The following STK3 variants were observed in gnomAD, a reference collection of about 807,000 sequenced individuals.
STK3 encodes serine/threonine kinase 3, also known as serine/threonine-protein kinase 3.
A neutral mutation model predicts 58.0 loss-of-function variants in STK3; 41 were observed. That is an observed-to-expected ratio of 0.71 (90% CI 0.55 to 0.92). The LOEUF is 0.92. Among genes scored for constraint, STK3 ranks in the 40% least tolerant of loss-of-function variants. The pLI is 0.00. For synonymous variants in STK3, 170 were observed against 191.0 expected (o/e 0.89, Z 0.91); for missense variants, 479 against 602.7 (o/e 0.79, Z 2.15).
chr8:98,709,544 C>T (rs892803660), intron 4 of STK3, among the ~76,000 whole-genome samples: 2 of 152,052 alleles, frequency 1.3e-5, no homozygotes, highest in Non-Finnish European at 2.9e-5. Context: ...CAAAAATCCT[C>T]AACAAAATAT....
At chr8:98,652,220 C>G (rs1202179540) in intron 6 of STK3, among the ~76,000 whole-genome samples, 1 of 152,172 alleles carries the variant, frequency 6.6e-6, no homozygotes, top group African/African-American at 2.4e-5. Flanking sequence ...AATTTCATAT[C>G]CAGCCAAACT....
chr8:98,716,327 CA>C (rs1294923730), intron 4 of STK3, among the ~76,000 whole-genome samples: 1 of 151,660 alleles, frequency 6.6e-6, no homozygotes, highest in Non-Finnish European at 1.5e-5. Context: ...TAGCAGTATA[CA>C]AAATCAACCC....
At position 98,501,757 on chromosome 8, in the gene STK3, G is replaced by A. The variant is rs923834793; in HGVS notation, c.1317+24985C>T. Among the ~76,000 whole-genome samples, 4 of 152,164 alleles carry A rather than the reference G, an allele frequency of 2.6e-5. No homozygotes were observed. The East Asian group carries it at 5.8e-4, about 22-fold the overall frequency. ...TCTGAGGCCTCTGTTCTGTTCCATT[G>A]GTCTATTTCTCTGTTTTGGTACTGG... On this transcript the variant is annotated intron_variant, in intron 10 of 10. Transcript: ENST00000419617.
intron 6 of STK3, among the ~76,000 whole-genome samples, chr8:98,680,655 G>A (rs1823563889): frequency 6.6e-6 from 1 of 152,210 alleles, no homozygotes; most frequent in Admixed American, 6.5e-5. Flanking sequence ...AAAGTAGAAT[G>A]TAGCAACGAT....
chr8:98,794,962 G>A (rs1833032024), intron 1 of STK3, among the ~76,000 whole-genome samples: 1 of 149,620 alleles, frequency 6.7e-6, no homozygotes, highest in Non-Finnish European at 1.5e-5. Flanking sequence ...AGCTACTCCA[G>A]AGGCTTGAGG....
At chr8:98,871,044 T>A (rs1837357106) in intron 3 of STK3, among the ~76,000 whole-genome samples, 2 of 152,352 alleles carry the variant, frequency 1.3e-5, no homozygotes, top group Middle Eastern at 3.4e-3. Context: ...GGGGATCCAG[T>A]TTCAGCTTTC....
the STK3 span, among the ~76,000 whole-genome samples, chr8:98,360,873 A>G: frequency 5.9e-5 from 9 of 152,216 alleles, no homozygotes; most frequent in African/African-American, 1.7e-4. Flanking sequence ...AGCTACTTCT[A>G]TGCAAAATGA....
Position 98,622,010 on chromosome 8 carries a change from T to G in STK3, c.685-25841A>C, listed in dbSNP as rs183433392. ...TGGGCACGGTGGCTAACGCCTGTAA[T>G]CCCAGTACTTTGGGAGGCTGAGGCA... On this transcript the variant is annotated intron_variant, in intron 6 of 10. Coordinates refer to ENST00000419617, the MANE Select transcript of STK3 (RefSeq NM_006281.4). 2.2e-4 allele frequency among the ~76,000 whole-genome samples: 33 copies of G among 149,666 alleles called. 1 individual carries two copies. In the Middle Eastern group the frequency reaches 0.014, roughly 62 times the overall value.
rs1037303883 is a variant in STK3 at position 98,613,089 on chromosome 8, G to C, written c.685-16920C>G. Among the ~76,000 whole-genome samples, 5 of 152,290 alleles carry C rather than the reference G, an allele frequency of 3.3e-5. No individual in the cohort carries two copies. The South Asian group carries it at 1.0e-3, about 32-fold the overall frequency. On this transcript the variant is annotated intron_variant, in intron 6 of 10. Transcript: ENST00000419617. ...ATACAATAGAGACTACACACGGAGAGCTAGAATCACCACTCTGACTCAGCA... is the reference window on the plus strand; with the variant it reads ...ATACAATAGAGACTACACACGGAGACCTAGAATCACCACTCTGACTCAGCA...
intron 1 of STK3, chr8:98,905,537 CTT>C (rs2131965692): frequency 9.5e-7 from 1 of 1,050,180 alleles, no homozygotes; most frequent in East Asian, 2.4e-5. Context: ...CAGCCGCCGT[CTT>C]GTCTTCTATG....
chr8:98,428,414 G>A lies in STK3; in HGVS notation n.483+5713C>T. The A allele has an allele frequency of 2.5e-6, 4 of 1,614,166 alleles. No homozygotes were observed. Among genetic ancestry groups the A allele is most frequent in the Non-Finnish European group, 3.4e-6 (4 of 1,180,032 alleles). The stretch of plus-strand genomic sequence containing the variant: ...AGCAGAGTGACCAGGAGAGCACCAC[G>A]TCTTCCTTCGATGAGATCCTTGCCT... On this transcript the variant is annotated intron_variant and non_coding_transcript_variant, in intron 3 of 3. Transcript: ENST00000517832. This position sits in a 1 kb window ranked among gnomAD's most constrained non-coding sequence, Gnocchi z 6.7.
intron 6 of STK3, among the ~76,000 whole-genome samples, chr8:98,609,181 GC>G (rs138851204): frequency 0.065 from 9,887 of 152,140 alleles, 441 homozygotes; most frequent in Non-Finnish European, 0.1. Context: ...CAATAACAAA[GC>G]ATATTAAGTT....
At chr8:98,581,675 T>C (rs1813894674) in intron 7 of STK3, among the ~76,000 whole-genome samples, 1 of 151,606 alleles carries the variant, frequency 6.6e-6, no homozygotes, top group Non-Finnish European at 1.5e-5. Flanking sequence ...CAGGTTTTTA[T>C]TTCTAGTTTG....
At chr8:98,739,158 G>C (rs546286079) in intron 4 of STK3, among the ~76,000 whole-genome samples, 3 of 152,242 alleles carry the variant, frequency 2.0e-5, no homozygotes, top group Admixed American at 6.5e-5. Flanking sequence ...CCACCTCTGG[G>C]GGCAGGGCAC....
At chr8:98,420,341 T>C (rs1818157554) in intron 3 of STK3, among the ~76,000 whole-genome samples, 1 of 152,244 alleles carries the variant, frequency 6.6e-6, no homozygotes, top group Non-Finnish European at 1.5e-5. Context: ...CTTTTTGTAA[T>C]AATGGCCCTA....
intron 6 of STK3, among the ~76,000 whole-genome samples, chr8:98,620,899 T>C (rs1818243810): frequency 6.6e-6 from 1 of 152,002 alleles, no homozygotes; most frequent in Non-Finnish European, 1.5e-5. Context: ...ATGAATTCAT[T>C]GTTAATGTAC....
intron 3 of STK3, among the ~76,000 whole-genome samples, chr8:98,756,286 C>T (rs1240628255): frequency 1.3e-5 from 2 of 152,168 alleles, no homozygotes; most frequent in Non-Finnish European, 2.9e-5. Context: ...CAAAACTTAA[C>T]GAGAAGTTAG....
intron 3 of STK3, chr8:98,432,310 G>C (rs1363054402): frequency 6.0e-6 from 1 of 167,050 alleles, no homozygotes; most frequent in East Asian, 1.9e-4. Context: ...CTTGAGAGAA[G>C]TGTCACTCCC....
downstream of STK3, among the ~76,000 whole-genome samples, chr8:98,370,481 G>C (rs770406674): frequency 2.0e-5 from 3 of 151,780 alleles, no homozygotes; most frequent in Non-Finnish European, 4.4e-5. Flanking sequence ...CTCATCTTAT[G>C]CCTGAAAAGC....
Sources: allele counts gnomAD v4.1 joint callset (sites outside exome capture counted in the v4.1 genomes callset), GRCh38; gene constraint gnomAD v4.1.1; non-coding constraint Gnocchi (gnomAD v3.1); transcripts MANE v1.5; gene names NCBI Gene and HGNC (gene_info 2026-07-23, HGNC 2026-07-21).